Variants in HCN1 observed in about 807,000 individuals in gnomAD.
The protein encoded by HCN1 is hyperpolarization activated cyclic nucleotide gated potassium channel 1, also known as potassium/sodium hyperpolarization-activated cyclic nucleotide-gated channel 1.
HCN1 carries 13 observed loss-of-function variants against 78.9 expected under a neutral mutation model. The observed-to-expected ratio is 0.16, with a 90% CI of 0.11 to 0.26. The LOEUF is 0.26. HCN1 is among the 10% of genes least tolerant of loss of function. HCN1 has a pLI of 1.00. For missense variants in HCN1, 810 were observed against 1,154.3 expected, an observed-to-expected ratio of 0.70 and a Z score of 4.32; for synonymous variants, 552 against 455.5, an observed-to-expected ratio of 1.21 and a Z score of -2.70.
intron 6 of HCN1, among the ~76,000 whole-genome samples, chr5:45,290,855 A>G (rs1177120353): frequency 1.3e-5 from 2 of 152,044 alleles, no homozygotes; most frequent in Admixed American, 1.3e-4. Flanking sequence ...GATGATGAGA[A>G]AATAAGGAAA....
At chr5:45,415,810 G>T (rs1168551961) in intron 3 of HCN1, among the ~76,000 whole-genome samples, 1 of 152,016 alleles carries the variant, frequency 6.6e-6, no homozygotes, top group African/African-American at 2.4e-5. Flanking sequence ...TAAGGGCATA[G>T]ACCATGTCCT....
intron 2 of HCN1, among the ~76,000 whole-genome samples, chr5:45,571,304 T>G (rs1435881512): frequency 6.6e-6 from 1 of 152,160 alleles, no homozygotes; most frequent in African/African-American, 2.4e-5. Flanking sequence ...AAATTGGGTA[T>G]GTAGGGTTAA....
intron 2 of HCN1, among the ~76,000 whole-genome samples, chr5:45,607,886 T>C (rs1744754379): frequency 6.6e-6 from 1 of 151,780 alleles, no homozygotes; most frequent in Admixed American, 6.6e-5. Flanking sequence ...TCCTAGCCTG[T>C]GCAACAGACA....
chr5:45,492,669 A>G (rs1220231144), intron 2 of HCN1, among the ~76,000 whole-genome samples: 2 of 151,054 alleles, frequency 1.3e-5, no homozygotes, highest in Non-Finnish European at 3.0e-5. Context: ...CCTGGCTAAT[A>G]TTTTGTATTT....
At chr5:45,568,796 G>GT (rs1743768241) in intron 2 of HCN1, among the ~76,000 whole-genome samples, 1 of 151,904 alleles carries the variant, frequency 6.6e-6, no homozygotes. Context: ...AATTATGTAC[G>GT]TAAGGGCTCG....
At chr5:45,675,671 G>A (rs1746253396) in intron 1 of HCN1, among the ~76,000 whole-genome samples, 1 of 151,722 alleles carries the variant, frequency 6.6e-6, no homozygotes, top group African/African-American at 2.4e-5. Context: ...GCCAAGTAAA[G>A]CTAATATGAT....
chr5:45,320,642 G>A (rs1746105814), intron 5 of HCN1, among the ~76,000 whole-genome samples: 1 of 151,562 alleles, frequency 6.6e-6, no homozygotes. Context: ...TGGATTCTGA[G>A]AAGCCACCTT....
At chr5:45,551,704 C>A (rs988458644) in intron 2 of HCN1, among the ~76,000 whole-genome samples, 1 of 151,880 alleles carries the variant, frequency 6.6e-6, no homozygotes, top group Non-Finnish European at 1.5e-5. Context: ...CAACAATTAT[C>A]TTTCTGGTGT....
intron 2 of HCN1, among the ~76,000 whole-genome samples, chr5:45,604,733 A>C (rs944974994): frequency 1.3e-5 from 2 of 152,046 alleles, no homozygotes; most frequent in African/African-American, 4.8e-5. Context: ...CAGATAATTG[A>C]AAGAGCAGTA....
chr5:45,634,023 A>G (rs1464074705), intron 2 of HCN1, among the ~76,000 whole-genome samples: 1 of 152,042 alleles, frequency 6.6e-6, no homozygotes, highest in Non-Finnish European at 1.5e-5. Context: ...TAGAAACAAT[A>G]AAACAATCAT....
chr5:45,468,677 CTG>C, intron 2 of HCN1, among the ~76,000 whole-genome samples: 1 of 151,972 alleles, frequency 6.6e-6, no homozygotes, highest in African/African-American at 2.4e-5. Flanking sequence ...CTTTAACAGT[CTG>C]AGAATAATCA....
intron 3 of HCN1, among the ~76,000 whole-genome samples, chr5:45,438,115 T>G (rs533870720): frequency 9.2e-5 from 14 of 152,314 alleles, no homozygotes; most frequent in African/African-American, 3.1e-4. Context: ...CTTGGCACTA[T>G]GTAAGAGGGA....
chr5:45,355,271 C>T (rs1746986653), intron 4 of HCN1, among the ~76,000 whole-genome samples: 1 of 151,988 alleles, frequency 6.6e-6, no homozygotes, highest in Non-Finnish European at 1.5e-5. Context: ...TTCATTGACT[C>T]ATAGTAACTA....
At chr5:45,418,552 A>G (rs1316635434) in intron 3 of HCN1, among the ~76,000 whole-genome samples, 4 of 151,928 alleles carry the variant, frequency 2.6e-5, no homozygotes, top group Non-Finnish European at 4.4e-5. Flanking sequence ...TTTCTAAAAG[A>G]TATTATGGTA....
intron 5 of HCN1, among the ~76,000 whole-genome samples, chr5:45,309,737 GC>G (rs1444074186): frequency 2.6e-5 from 4 of 152,106 alleles, no homozygotes; most frequent in African/African-American, 9.7e-5. Flanking sequence ...TGGTGGATAA[GC>G]TTTTTGATGT....
At chr5:45,318,484 G>A (rs1746049389) in intron 5 of HCN1, among the ~76,000 whole-genome samples, 1 of 151,822 alleles carries the variant, frequency 6.6e-6, no homozygotes, top group Non-Finnish European at 1.5e-5. Flanking sequence ...AATGGGTGCA[G>A]CACACCAACA....
intron 2 of HCN1, among the ~76,000 whole-genome samples, chr5:45,555,399 C>T (rs1044670612): frequency 4.0e-5 from 6 of 151,512 alleles, no homozygotes; most frequent in African/African-American, 1.5e-4. Context: ...GAAGAGGACA[C>T]CAAAAAATAA....
intron 4 of HCN1, among the ~76,000 whole-genome samples, chr5:45,362,162 G>GTGTGTT (rs1438580663): frequency 6.6e-6 from 1 of 150,926 alleles, no homozygotes; most frequent in Non-Finnish European, 1.5e-5. Context: ...GTTTGTGTGT[G>GTGTGTT]TGTGTGTGTG....
intron 6 of HCN1, among the ~76,000 whole-genome samples, chr5:45,291,797 C>T (rs994642783): frequency 6.6e-5 from 10 of 151,902 alleles, no homozygotes; most frequent in East Asian, 5.8e-4. Flanking sequence ...CCCAAAGTGC[C>T]GGGAATACAG....
Sources: allele counts gnomAD v4.1 joint callset (sites outside exome capture counted in the v4.1 genomes callset), GRCh38; gene constraint gnomAD v4.1.1; transcripts MANE v1.5; gene names NCBI Gene and HGNC (gene_info 2026-07-23, HGNC 2026-07-21).